The following SOX30 variants were observed in gnomAD, a reference collection of about 807,000 sequenced individuals.
The protein encoded by SOX30 is transcription factor SOX-30.
SOX30 carries 17 observed loss-of-function variants against 58.6 expected under a neutral mutation model. That is an observed-to-expected ratio of 0.29 (90% CI 0.20 to 0.44). The LOEUF (loss-of-function observed/expected upper bound fraction) is 0.44, where lower values mean the gene tolerates loss of function less well. SOX30 is among the 20% of genes least tolerant of loss of function. SOX30 has a pLI of 1.00. For missense variants in SOX30, 951 were observed against 965.8 expected, an observed-to-expected ratio of 0.98 and a Z score of 0.20; for synonymous variants, 421 against 400.2, an observed-to-expected ratio of 1.05 and a Z score of -0.62.
At position 157,651,566 on chromosome 5, in the gene SOX30, G is replaced by C. The variant is rs956067766; in HGVS notation, c.513C>G (p.Pro171=). ...RASRVVKLEG[P]GPALGYFRGD... ...CTCGGAAGTAGCCGAGGGCCGGCCC[G>C]GGGCCTTCCAACTTGACCACCCTGG... is the stretch of plus-strand genomic sequence containing the variant. The change falls in exon 1 of 5, where the codon CCC becomes CCG. Residue 171 remains proline, a synonymous_variant. Coordinates refer to ENST00000265007, the MANE Select transcript of SOX30 (RefSeq NM_178424.2). 2.5e-6 allele frequency: 4 copies of C among 1,613,084 alleles called. No homozygotes were observed. The highest frequency in any genetic ancestry group is 2.2e-5 in the South Asian group (2 of 91,072).
intron 4 of SOX30, among the ~76,000 whole-genome samples, chr5:157,637,682 T>C (rs1297627658): frequency 6.6e-6 from 1 of 152,138 alleles, no homozygotes; most frequent in Non-Finnish European, 1.5e-5. Context: ...TGAAAAATTA[T>C]ATCCAACATT....
chr5:157,639,924 A>T (rs1759024012), intron 3 of SOX30, among the ~76,000 whole-genome samples: 1 of 152,214 alleles, frequency 6.6e-6, no homozygotes, highest in Non-Finnish European at 1.5e-5. Flanking sequence ...GAAGTAGGGA[A>T]TTAAGGGACA....
In SOX30 at chr5:157,646,712, T is replaced by C; in HGVS notation, c.1312A>G (p.Thr438Ala). 1.2e-6 allele frequency: 2 copies of C among 1,613,024 alleles called. No individual in the cohort carries two copies. The highest frequency in any genetic ancestry group is 1.7e-6 in the Non-Finnish European group (2 of 1,178,960). ...TQNIISTNPT[T>A]VYPYRSPTYS... Reference sequence around the variant, plus strand: ...GTAGGTGAGCGGTAAGGATAAACTGTTGTAGGATTTGTAGAGATGATATTC... The same window carrying C: ...GTAGGTGAGCGGTAAGGATAAACTGCTGTAGGATTTGTAGAGATGATATTC... The change falls in exon 3 of 5, where the codon ACA (threonine) becomes GCA (alanine). Residue 438 changes from threonine to alanine, a missense_variant. Coordinates refer to ENST00000265007, the MANE Select transcript of SOX30 (RefSeq NM_178424.2).
chr5:157,651,603 C>A lies in SOX30; in HGVS notation c.476G>T (p.Gly159Val). Reference sequence around the variant, plus strand: ...CTTGACCACCCTGGAGGCTCTAGGACCGGTTTCGACGGCCCCTCGAGGCCC... The same window carrying A: ...CTTGACCACCCTGGAGGCTCTAGGAACGGTTTCGACGGCCCCTCGAGGCCC... Reference protein sequence around the residue: ...SVGPRGAVETGPRASRVVKLE... With the variant: ...SVGPRGAVETVPRASRVVKLE... Residue 159 changes from glycine to valine, a missense_variant, in exon 1 of 5, where the codon GGT becomes GTT. Physicochemically the swap from Gly to Val is moderately radical, Grantham distance 109. Transcript: ENST00000265007. 6.2e-7 allele frequency: 1 copy of A among 1,613,040 alleles called. No individual in the cohort carries two copies. The highest frequency in any genetic ancestry group is 2.2e-5 in the East Asian group (1 of 44,870).
intron 2 of SOX30, among the ~76,000 whole-genome samples, chr5:157,647,848 C>T (rs1182489379): frequency 1.3e-5 from 2 of 151,852 alleles, no homozygotes; most frequent in Admixed American, 6.6e-5. Context: ...TGTGAGCCAC[C>T]GCGCCTGGCT....
chr5:157,665,679 ATAAT>A (rs1035425076), intron 2 of SOX30, among the ~76,000 whole-genome samples: 12 of 147,676 alleles, frequency 8.1e-5, no homozygotes, highest in Non-Finnish European at 1.3e-4. Flanking sequence ...ATAAATATAA[ATAAT>A]TATAATTTAT....
chr5:157,652,615 C>T (rs563351680), upstream of SOX30, among the ~76,000 whole-genome samples: 9 of 152,334 alleles, frequency 5.9e-5, no homozygotes, highest in South Asian at 1.9e-3. Context: ...GAAGATTTTG[C>T]AACTTATCAA....
chr5:157,646,095 G>A (rs1240313648), intron 3 of SOX30, among the ~76,000 whole-genome samples: 1 of 151,992 alleles, frequency 6.6e-6, no homozygotes, highest in Non-Finnish European at 1.5e-5. Flanking sequence ...ATATTAGGTT[G>A]TCAATTTTTG....
intron 2 of SOX30, among the ~76,000 whole-genome samples, chr5:157,667,198 C>T (rs1439499486): frequency 2.6e-5 from 4 of 152,108 alleles, no homozygotes. Flanking sequence ...GACTGCTGCC[C>T]CAGACTCCTA....
intron 4 of SOX30, among the ~76,000 whole-genome samples, chr5:157,632,334 A>G (rs1758833855): frequency 6.6e-6 from 1 of 152,222 alleles, no homozygotes; most frequent in African/African-American, 2.4e-5. Context: ...GACCCTACAC[A>G]GTCATCTGGA....
upstream of SOX30, among the ~76,000 whole-genome samples, chr5:157,655,040 A>C (rs1265393043): frequency 6.6e-6 from 1 of 152,178 alleles, no homozygotes; most frequent in Non-Finnish European, 1.5e-5. Flanking sequence ...TCCTTGTGCG[A>C]GATCCAAGAA....
At chr5:157,658,321 TTA>T (rs1255373602) in intron 2 of SOX30, among the ~76,000 whole-genome samples, 2 of 152,188 alleles carry the variant, frequency 1.3e-5, no homozygotes, top group Non-Finnish European at 2.9e-5. Flanking sequence ...GAGAGAGAAA[TTA>T]TGTTTCAGAA....
chr5:157,631,854 C>T (rs1758818899), intron 4 of SOX30, among the ~76,000 whole-genome samples: 1 of 150,142 alleles, frequency 6.7e-6, no homozygotes, highest in Non-Finnish European at 1.5e-5. Context: ...ACAGCCTAGG[C>T]AACAAAGTGA....
At chr5:157,649,036 C>G (rs1462856417) in intron 1 of SOX30, 140 bp from the exon 2 acceptor site, 2 of 1,108,732 alleles carry the variant, frequency 1.8e-6, no homozygotes, top group East Asian at 2.5e-5. Context: ...CCAAAAAAAC[C>G]TGCCAGTATT....
At chr5:157,637,955 A>G (rs570065611) in intron 4 of SOX30, among the ~76,000 whole-genome samples, 2 of 152,208 alleles carry the variant, frequency 1.3e-5, no homozygotes, top group South Asian at 2.1e-4. Flanking sequence ...TGGCCTCCCA[A>G]AGTGCTGGAA....
chr5:157,641,108 G>C (rs974268809), intron 3 of SOX30, among the ~76,000 whole-genome samples: 3 of 152,122 alleles, frequency 2.0e-5, no homozygotes, highest in Admixed American at 1.3e-4. Context: ...CTAGAAACAG[G>C]GTGGGTGCCA....
intron 4 of SOX30, among the ~76,000 whole-genome samples, chr5:157,628,417 T>C (rs1758713492): frequency 6.7e-6 from 1 of 149,252 alleles, no homozygotes; most frequent in Non-Finnish European, 1.5e-5. Context: ...AGAGTCAACT[T>C]TGTTACCTTA....
Position 157,651,743 on chromosome 5 carries a change from C to T in SOX30, c.336G>A (p.Pro112=), listed in dbSNP as rs375292516. The T allele has an allele frequency of 1.0e-5, 16 of 1,558,862 alleles. No individual in the cohort carries two copies. Among genetic ancestry groups the T allele is most frequent in the East Asian group, 7.2e-5 (3 of 41,648 alleles). The change falls in exon 1 of 5, where the codon CCG becomes CCA. Residue 112 remains proline (P), a synonymous_variant. Transcript: ENST00000265007. ...QFRPDLRLLQ[P]PTASDGATSR... ...AGGTGGCGCCGTCTGACGCTGTCGGCGGCTGCAGGAGCCGCAGGTCGGGCC... is the reference window on the plus strand; with the variant it reads ...AGGTGGCGCCGTCTGACGCTGTCGGTGGCTGCAGGAGCCGCAGGTCGGGCC...
intron 3 of SOX30, 43 bp downstream of exon 3, chr5:157,646,594 G>A: frequency 1.4e-6 from 2 of 1,424,636 alleles, no homozygotes; most frequent in Non-Finnish European, 1.9e-6. Context: ...AAATTTTCTT[G>A]CAGCTATTTA....
Sources: gnomAD v4.1 joint callset for allele counts (sites outside exome capture counted in the v4.1 genomes callset) on GRCh38, gnomAD v4.1.1 for gene constraint, MANE v1.5 for transcripts, NCBI Gene and HGNC (gene_info 2026-07-23, HGNC 2026-07-21) for gene names.